PHYHD1: variants seen among roughly 807,000 people sequenced by gnomAD.
The protein encoded by PHYHD1 is phytanoyl-CoA dioxygenase domain containing 1, also known as phytanoyl-CoA dioxygenase domain-containing protein 1.
In PHYHD1, 42 loss-of-function variants were observed where a neutral mutation model predicts 43.6. The observed-to-expected ratio is 0.96, with a 90% confidence interval of 0.75 to 1.25. The LOEUF (loss-of-function observed/expected upper bound fraction) is 1.25, where lower values mean the gene tolerates loss of function less well. Among genes scored for constraint, PHYHD1 ranks in the 50% most tolerant of loss-of-function variants. The pLI, the probability that PHYHD1 is intolerant of heterozygous loss-of-function variation, is 0.00. For missense variants in PHYHD1, 342 were observed against 370.8 expected, an observed-to-expected ratio of 0.92 and a Z score of 0.64; for synonymous variants, 139 against 143.6, an observed-to-expected ratio of 0.97 and a Z score of 0.23.
intron 9 of PHYHD1, chr9:128,938,043 A>T: frequency 1.7e-6 from 2 of 1,187,510 alleles, no homozygotes; most frequent in Non-Finnish European, 2.2e-6. Flanking sequence ...GTGGTGGCTC[A>T]TGCCTGTAAT....
chr9:128,932,982 G>T (rs1841332641), intron 4 of PHYHD1, among the ~76,000 whole-genome samples: 1 of 150,720 alleles, frequency 6.6e-6, no homozygotes, highest in Non-Finnish European at 1.5e-5. Context: ...GGAGTAGCTG[G>T]GACTACAGGT....
chr9:128,925,048 C>A (rs1564538090), intron 3 of PHYHD1, among the ~76,000 whole-genome samples: 1 of 152,164 alleles, frequency 6.6e-6, no homozygotes, highest in Non-Finnish European at 1.5e-5. Flanking sequence ...AGGCAATTTT[C>A]AGCTTGATAC....
At chr9:128,936,524 G>A (rs748915424) in intron 7 of PHYHD1, 21 bp downstream of exon 7, 21 of 1,613,070 alleles carry the variant, frequency 1.3e-5, no homozygotes, top group Non-Finnish European at 5.1e-6. Context: ...GTGGGGGTGA[G>A]GGCCAGGAGG....
intron 6 of PHYHD1, among the ~76,000 whole-genome samples, chr9:128,936,119 G>A (rs754693906): frequency 4.0e-5 from 6 of 151,870 alleles, no homozygotes; most frequent in Non-Finnish European, 7.4e-5. Context: ...GAGAGAAATG[G>A]TTACCCGAGG....
intron 8 of PHYHD1, among the ~76,000 whole-genome samples, chr9:128,937,352 A>G (rs1588255592): frequency 6.6e-6 from 1 of 152,194 alleles, no homozygotes; most frequent in African/African-American, 2.4e-5. Flanking sequence ...TGGCAATTGA[A>G]ATGCTGTGCT....
chr9:128,940,821 G>A, intron 11 of PHYHD1, 106 bp downstream of exon 11: 4 of 1,138,198 alleles, frequency 3.5e-6, no homozygotes, highest in Non-Finnish European at 5.0e-6. Context: ...TCTGAGGGCA[G>A]TGAAGTCACA....
intron 3 of PHYHD1, among the ~76,000 whole-genome samples, chr9:128,925,935 G>A (rs891315397): frequency 6.6e-6 from 1 of 152,100 alleles, no homozygotes; most frequent in Non-Finnish European, 1.5e-5. Flanking sequence ...GCCAGCTTAC[G>A]CTAGCTGCTT....
At chr9:128,928,844 TG>T (rs1841202737) in intron 4 of PHYHD1, among the ~76,000 whole-genome samples, 1 of 152,166 alleles carries the variant, frequency 6.6e-6, no homozygotes, top group South Asian at 2.1e-4. Flanking sequence ...AAAAGATCAG[TG>T]GGCGTCCTGT....
intron 9 of PHYHD1, among the ~76,000 whole-genome samples, chr9:128,939,835 A>G (rs571331078): frequency 4.5e-5 from 6 of 133,008 alleles, no homozygotes; most frequent in African/African-American, 7.5e-5. Context: ...TTGTGTTTTT[A>G]GTAGAGACAG....
intron 8 of PHYHD1, 70 bp from the exon 9 acceptor site, chr9:128,937,687 G>A: frequency 6.3e-7 from 1 of 1,580,590 alleles, no homozygotes; most frequent in Middle Eastern, 1.8e-4. Context: ...ATAGCATCCT[G>A]GGAGTCTCAG....
intron 3 of PHYHD1, among the ~76,000 whole-genome samples, chr9:128,926,197 G>A (rs1317729701): frequency 6.6e-6 from 1 of 152,168 alleles, no homozygotes; most frequent in African/African-American, 2.4e-5. Context: ...AGCCTGGAGG[G>A]GAAGGGCAGG....
At chr9:128,936,353 A>T in intron 6 of PHYHD1, 95 bp from the exon 7 acceptor site, 1 of 1,492,250 alleles carries the variant, frequency 6.7e-7, no homozygotes, top group East Asian at 2.5e-5. Context: ...AGTAAGTGAG[A>T]ATGTCAAAGT....
chr9:128,931,770 G>T (rs143625733), intron 4 of PHYHD1, among the ~76,000 whole-genome samples: 1 of 151,528 alleles, frequency 6.6e-6, no homozygotes, highest in Admixed American at 6.6e-5. Context: ...CTCGTGATCC[G>T]TCCGCCTCAG....
Position 128,941,865 on chromosome 9 carries a change from G to T in PHYHD1, c.*152G>T, listed in dbSNP as rs899690917. On this transcript the variant is annotated 3_prime_UTR_variant, in exon 13 of 13. Coordinates refer to ENST00000372592, the MANE Select transcript of PHYHD1 (RefSeq NM_001100876.2). ...CCCTGTGGGCAGCAGCCTAGGCTGG[G>T]TCAGGGGCTTCCCTAAGATCTTCAC... The T allele has an allele frequency of 2.0e-6, 2 of 1,014,842 alleles. No homozygotes were observed. Among genetic ancestry groups the T allele is most frequent in the Non-Finnish European group, 2.9e-6 (2 of 692,406 alleles). 62.9% of individuals were successfully genotyped at this position (1,014,842 alleles called of 1,614,324 possible).
chr9:128,938,055 C>A, intron 9 of PHYHD1: 1 of 1,088,236 alleles, frequency 9.2e-7, no homozygotes, highest in Non-Finnish European at 1.2e-6. Context: ...GCCTGTAATC[C>A]CAGCAATTTG....
At chr9:128,930,620 C>A (rs28414425) in intron 4 of PHYHD1, among the ~76,000 whole-genome samples, 45,500 of 148,006 alleles carry the variant, frequency 0.31, 8,055 homozygotes, top group Admixed American at 0.4. Flanking sequence ...CAAGAGTGAA[C>A]CTCCGTCTCA....
intron 4 of PHYHD1, among the ~76,000 whole-genome samples, chr9:128,927,421 T>G (rs2417134): frequency 0.39 from 59,129 of 151,314 alleles, 11,692 homozygotes; most frequent in Admixed American, 0.43. Flanking sequence ...TGTTGCTCAG[T>G]CTGGAATTCA....
intron 6 of PHYHD1, among the ~76,000 whole-genome samples, chr9:128,935,235 A>G (rs1318387890): frequency 6.6e-6 from 1 of 152,180 alleles, no homozygotes; most frequent in Admixed American, 6.6e-5. Context: ...GATTATAGGC[A>G]TAAGCCACTG....
chr9:128,927,935 C>G (rs543037040), intron 4 of PHYHD1, among the ~76,000 whole-genome samples: 1 of 152,220 alleles, frequency 6.6e-6, no homozygotes, highest in African/African-American at 2.4e-5. Context: ...TTTTCTCCCC[C>G]CAGTGACCGA....
Sources: gnomAD v4.1 joint callset for allele counts (sites outside exome capture counted in the v4.1 genomes callset) on GRCh38, gnomAD v4.1.1 for gene constraint, MANE v1.5 for transcripts, NCBI Gene and HGNC (gene_info 2026-07-23, HGNC 2026-07-21) for gene names.